Variants in KDM4A observed in about 807,000 individuals in gnomAD.
KDM4A encodes the protein lysine-specific demethylase 4A.
KDM4A carries 23 observed loss-of-function variants against 127.1 expected under a neutral mutation model. The observed-to-expected ratio is 0.18, with a 90% CI of 0.13 to 0.26. The LOEUF (loss-of-function observed/expected upper bound fraction) is 0.26. Ranked by LOEUF, KDM4A falls within the 10% of genes least tolerant of loss-of-function variation. The probability of loss-of-function intolerance (pLI) is 1.00; values close to 1 mark genes in which losing one functional copy is unlikely to be tolerated. For missense variants in KDM4A, 890 were observed against 1,329.1 expected (o/e 0.67, Z 5.14); for synonymous variants, 443 against 466.5 (o/e 0.95, Z 0.65).
chr1:43,677,214 G>A (rs538027175), intron 11 of KDM4A, among the ~76,000 whole-genome samples: 1 of 151,884 alleles, frequency 6.6e-6, no homozygotes, highest in Non-Finnish European at 1.5e-5. Flanking sequence ...GCGTGTTGGC[G>A]GGTGCCTGTA....
chr1:43,668,543 G>A (rs774715523), intron 9 of KDM4A, among the ~76,000 whole-genome samples: 3 of 152,170 alleles, frequency 2.0e-5, no homozygotes, highest in African/African-American at 4.8e-5. Context: ...TGTAGTGGGC[G>A]TGTAGTCTGC....
intron 19 of KDM4A, among the ~76,000 whole-genome samples, chr1:43,701,866 ATTTC>A (rs761143368): frequency 2.1e-4 from 32 of 152,344 alleles, no homozygotes; most frequent in Non-Finnish European, 3.4e-4. Context: ...ACACAGATAG[ATTTC>A]TTTGAGACAA....
intron 8 of KDM4A, 96 bp from the exon 9 acceptor site, chr1:43,667,676 C>A: frequency 6.7e-7 from 1 of 1,498,778 alleles, no homozygotes; most frequent in Non-Finnish European, 9.2e-7. Flanking sequence ...AACCATCTTG[C>A]ACTTGTTTCC....
intron 12 of KDM4A, among the ~76,000 whole-genome samples, chr1:43,684,097 C>T (rs2154048110): frequency 6.6e-6 from 1 of 152,212 alleles, no homozygotes; most frequent in Admixed American, 6.5e-5. Flanking sequence ...AAAATCCTGT[C>T]AGTGATGCAA....
intron 11 of KDM4A, among the ~76,000 whole-genome samples, chr1:43,676,772 ATT>A (rs1329570755): frequency 1.3e-5 from 2 of 152,176 alleles, no homozygotes; most frequent in Non-Finnish European, 2.9e-5. Flanking sequence ...ACTTTAATAC[ATT>A]AATTTGTAAA....
intron 8 of KDM4A, among the ~76,000 whole-genome samples, 200 bp from the exon 9 acceptor site, chr1:43,667,572 G>T (rs953511079): frequency 3.9e-5 from 6 of 152,164 alleles, no homozygotes; most frequent in African/African-American, 1.4e-4. Context: ...AGTAGCATGT[G>T]CTCTCTGCCT....
intron 15 of KDM4A, among the ~76,000 whole-genome samples, 168 bp from the exon 16 acceptor site, chr1:43,692,088 T>G (rs1184367851): frequency 6.6e-6 from 1 of 152,254 alleles, no homozygotes; most frequent in African/African-American, 2.4e-5. Context: ...GAGTGGCCTC[T>G]CCTTCTGACA....
intron 13 of KDM4A, among the ~76,000 whole-genome samples, chr1:43,689,760 T>G (rs1182628041): frequency 1.3e-5 from 2 of 152,142 alleles, no homozygotes; most frequent in Non-Finnish European, 2.9e-5. Context: ...AGCAGGTAGG[T>G]AAGTGGTCCT....
At chr1:43,684,245 C>G (rs1326804736) in intron 12 of KDM4A, among the ~76,000 whole-genome samples, 1 of 152,172 alleles carries the variant, frequency 6.6e-6, no homozygotes, top group African/African-American at 2.4e-5. Context: ...TGGCTCATGC[C>G]TGTAATCCCA....
rs201080926 is a variant in KDM4A at position 43,668,023 on chromosome 1, A to G, written c.1163+4A>G. 3.1e-6 allele frequency: 5 copies of G among 1,613,716 alleles called. No homozygotes were observed. The East Asian group carries it at 1.1e-4, about 36-fold the overall frequency. On this transcript the variant is annotated splice_donor_region_variant and intron_variant, in intron 9 of 21. Transcript: ENST00000372396. Reference sequence around the variant, plus strand: ...AGGAAGGAGACCTGAAGACAAGGTAACCCAGCAGCCCTTTTGTCCTGGCTG... The same window carrying G: ...AGGAAGGAGACCTGAAGACAAGGTAGCCCAGCAGCCCTTTTGTCCTGGCTG...
At chr1:43,654,739 GT>G (rs1347956230) in intron 2 of KDM4A, among the ~76,000 whole-genome samples, 1 of 66,908 alleles carries the variant, frequency 1.5e-5, no homozygotes, top group Non-Finnish European at 4.1e-5. Context: ...GTGTGTGTGT[GT>G]TGTTTTCTCC....
chr1:43,694,400 C>T lies in KDM4A; in HGVS notation c.2484+298C>T, dbSNP rs531398993. Among the ~76,000 whole-genome samples the T allele has an allele frequency of 9.4e-4, 143 of 152,074 alleles. 1 individual carries two copies. The Middle Eastern group carries it at 0.014, about 14-fold the overall frequency. On this transcript the variant is annotated intron_variant, in intron 17 of 21. Coordinates refer to ENST00000372396, the MANE Select transcript of KDM4A (RefSeq NM_014663.3). The surrounding 1 kb of genome is among the most constrained non-coding windows in gnomAD (Gnocchi z 5.2). ...GAGTGGTGGTGCGCACCTATAATCCCAGCTCCTCGGGAATCTGAGGCAGGA... is the reference window on the plus strand; with the variant it reads ...GAGTGGTGGTGCGCACCTATAATCCTAGCTCCTCGGGAATCTGAGGCAGGA...
chr1:43,653,288 G>T lies in KDM4A; in HGVS notation c.113G>T (p.Gly38Val). 1 of 1,613,000 alleles carries T rather than the reference G, an allele frequency of 6.2e-7. No homozygotes were observed. Residue 38 changes from glycine to valine, a missense_variant, in exon 2 of 22, where the codon GGA (glycine) becomes GTA (valine). Around this residue, in one of 7 missense-constraint regions of KDM4A, gnomAD observed 35 missense variants for 27.7 expected, o/e 1.26. Transcript: ENST00000372396. ...SRYIAYIESQ[G>V]AHRAGLAKVV... ...TACATTGCCTACATTGAATCCCAAG[G>T]AGCTCATCGGGCAGGGCTAGCCAAG...
At chr1:43,670,992 A>G (rs1038174577) in intron 10 of KDM4A, among the ~76,000 whole-genome samples, 6 of 152,228 alleles carry the variant, frequency 3.9e-5, no homozygotes, top group African/African-American at 1.2e-4. Context: ...GTTTTGAACT[A>G]CTGCTCCTGG....
chr1:43,656,560 A>C (rs1181704265), intron 3 of KDM4A, among the ~76,000 whole-genome samples: 3 of 148,722 alleles, frequency 2.0e-5, no homozygotes, highest in Non-Finnish European at 4.5e-5. Flanking sequence ...CTGGTCTTGA[A>C]CTCCTGACCT....
At chr1:43,690,662 G>C in intron 13 of KDM4A, 183 bp from the exon 14 acceptor site, 1 of 656,758 alleles carries the variant, frequency 1.5e-6, no homozygotes, top group East Asian at 2.6e-5. Context: ...GCTGCTGTGA[G>C]AAACTGAATT....
Position 43,691,484 on chromosome 1 carries a change from T to C in KDM4A, c.2243-12T>C. ...ACTGGGTTTAATTTGCTCATCTTGGTGTCCCTGTTAGGTTGCTATGGGGTC... is the reference window on the plus strand; with the variant it reads ...ACTGGGTTTAATTTGCTCATCTTGGCGTCCCTGTTAGGTTGCTATGGGGTC... On this transcript the variant is annotated splice_polypyrimidine_tract_variant and intron_variant, in intron 14 of 21. Coordinates refer to ENST00000372396, the MANE Select transcript of KDM4A (RefSeq NM_014663.3). 6.2e-7 allele frequency: 1 copy of C among 1,611,706 alleles called. No homozygotes were observed. The highest frequency in any genetic ancestry group is 8.5e-7 in the Non-Finnish European group (1 of 1,177,884).
intron 19 of KDM4A, among the ~76,000 whole-genome samples, chr1:43,703,144 A>G (rs752220669): frequency 5.3e-5 from 8 of 151,856 alleles, no homozygotes; most frequent in Non-Finnish European, 1.2e-4. Context: ...GGGTTTCACC[A>G]TGTTAGCCAG....
chr1:43,662,918 C>A lies in KDM4A; in HGVS notation c.454C>A (p.Arg152=). 6.2e-7 allele frequency: 1 copy of A among 1,612,628 alleles called. No homozygotes were observed. The highest frequency in any genetic ancestry group is 8.5e-7 in the Non-Finnish European group (1 of 1,179,304). The change falls in exon 5 of 22, where the codon CGG becomes AGG. Residue 152 remains arginine, a synonymous_variant. Transcript: ENST00000372396. ...GCATGTTGATGAGTGGAATATTGGC[C>A]GGCTGAGAACAATCCTGGACTTGGT... is the stretch of plus-strand genomic sequence containing the variant. ...EKHVDEWNIG[R]LRTILDLVEK...
Sources: gnomAD v4.1 joint callset for allele counts (sites outside exome capture counted in the v4.1 genomes callset) on GRCh38, gnomAD v4.1.1 for gene constraint, gnomAD v4.1.1 regional missense constraint, Gnocchi (gnomAD v3.1) non-coding constraint, MANE v1.5 for transcripts, NCBI Gene and HGNC (gene_info 2026-07-23, HGNC 2026-07-21) for gene names.